The following ZNF280C variants were observed in gnomAD, a reference collection of about 807,000 sequenced individuals.
ZNF280C encodes the protein suppressor of hairy wing homolog 3.
Under a neutral mutation model 53.6 loss-of-function variants are expected in ZNF280C, and 14 were observed. The observed-to-expected ratio is 0.26, with a 90% CI of 0.17 to 0.41. The LOEUF (loss-of-function observed/expected upper bound fraction) is 0.41. Ranked by LOEUF, ZNF280C falls within the 10% of genes least tolerant of loss-of-function variation. The probability of loss-of-function intolerance (pLI) is 1.00; values close to 1 mark genes in which losing one functional copy is unlikely to be tolerated. For missense variants in ZNF280C, 416 were observed against 547.1 expected, an observed-to-expected ratio of 0.76 and a Z score of 2.39; for synonymous variants, 203 against 181.1, an observed-to-expected ratio of 1.12 and a Z score of -0.97.
At chrX:130,213,200 AAAAAAT>A (rs935887718) in intron 15 of ZNF280C, among the ~76,000 whole-genome samples, 278 of 109,863 alleles carry the variant, frequency 2.5e-3, no homozygotes, top group African/African-American at 7.7e-3. Context: ...ACAGATACAA[AAAAAAT>A]AAAAATAAAA....
At chrX:130,235,554 A>G (rs987862709) in intron 8 of ZNF280C, among the ~76,000 whole-genome samples, 3 of 112,163 alleles carry the variant, frequency 2.7e-5, no homozygotes, top group Non-Finnish European at 3.8e-5. Context: ...ATATGCATAC[A>G]CTGTACTGCA....
In ZNF280C at chrX:130,261,804, CT is replaced by C. The variant is rs746162622; in HGVS notation, c.-16-1340del. 7.5e-3 allele frequency among the ~76,000 whole-genome samples: 808 copies of C among 107,481 alleles called. 26 individuals are homozygous for C. Among genetic ancestry groups the C allele is most frequent in the Admixed American group, 0.06 (595 of 9,996 alleles). 93.3% of individuals were successfully genotyped at this position (107,481 alleles called of 115,157 possible). A position where few individuals can be genotyped will look rare whatever the true frequency, so the allele number is the denominator to read the frequency against. ...CACAGCCTATGAGATTCATATAACA[CT>C]TTTTTTTTTTAATTTTTATGTTTTA... On this transcript the variant is annotated intron_variant, in intron 1 of 18. Transcript: ENST00000370978.
Position 130,215,854 on chromosome X carries a change from G to C in ZNF280C, c.1775C>G (p.Ser592Cys), listed in dbSNP as rs1286883329. The change falls in exon 14 of 19, where the codon TCT (serine) becomes TGT (cysteine). Residue 592 changes from serine to cysteine, a missense_variant. Transcript: ENST00000370978. ...GRIAKSKAKP[S>C]YKQKRQRNRK... is the part of the protein sequence containing the mutation. ...GTTGCGCTGTCGCTTTTGCTTGTAA[G>C]AGGGTTTTGCTTTGGACTTAGCTAT... The C allele has an allele frequency of 2.5e-6, 3 of 1,210,974 alleles. No individual in the cohort carries two copies. Among genetic ancestry groups the C allele is most frequent in the Non-Finnish European group, 3.4e-6 (3 of 895,175 alleles).
intron 13 of ZNF280C, among the ~76,000 whole-genome samples, chrX:130,219,067 T>G (rs1445818141): frequency 2.7e-5 from 3 of 112,113 alleles, no homozygotes; most frequent in Non-Finnish European, 5.6e-5. Flanking sequence ...TTTGTTAATT[T>G]AAATAGCAGA....
At chrX:130,250,044 C>T (rs1371110273) in intron 2 of ZNF280C, among the ~76,000 whole-genome samples, 2 of 111,227 alleles carry the variant, frequency 1.8e-5, no homozygotes, top group African/African-American at 3.3e-5. Flanking sequence ...ATAGAACAAG[C>T]GGAGGAAAGA....
intron 1 of ZNF280C, among the ~76,000 whole-genome samples, chrX:130,261,016 TTA>T (rs890541807): frequency 8.9e-6 from 1 of 112,233 alleles, no homozygotes; most frequent in Admixed American, 9.5e-5. Flanking sequence ...ACACATACAT[TTA>T]GATATTTTTA....
intron 8 of ZNF280C, among the ~76,000 whole-genome samples, chrX:130,235,563 C>G (rs1449409911): frequency 8.9e-6 from 1 of 111,905 alleles, no homozygotes; most frequent in Non-Finnish European, 1.9e-5. Context: ...CACTGTACTG[C>G]ATATGAACTT....
rs2032097112 is a variant in ZNF280C, at chrX:130,215,917, G to C, written c.1712C>G (p.Thr571Ser). The C allele has an allele frequency of 8.3e-7, 1 of 1,211,365 alleles. No individual in the cohort carries two copies. Reference sequence around the variant, plus strand: ...CTTACTTGTATTAACTTTACTTGCAGTGGATGTAGTTGCATGAAGCTTACT... The same window carrying C: ...CTTACTTGTATTAACTTTACTTGCACTGGATGTAGTTGCATGAAGCTTACT... Reference protein sequence around the residue: ...KTSKLHATTSTASKVNTSKPR... With the variant: ...KTSKLHATTSSASKVNTSKPR... Residue 571 changes from threonine (T) to serine (S), a missense_variant, in exon 14 of 19, where the codon ACT (threonine) becomes AGT (serine). Transcript: ENST00000370978.
chrX:130,212,307 A>G (rs907575338), intron 15 of ZNF280C, among the ~76,000 whole-genome samples: 4 of 111,815 alleles, frequency 3.6e-5, no homozygotes, highest in Non-Finnish European at 7.5e-5. Context: ...GAGGATTTAC[A>G]GTTGAAAGGT....
intron 12 of ZNF280C, among the ~76,000 whole-genome samples, chrX:130,224,746 A>G (rs1332012584): frequency 1.8e-5 from 2 of 111,429 alleles, no homozygotes; most frequent in Non-Finnish European, 3.8e-5. Flanking sequence ...AGCTCTCTTG[A>G]GTCTAAGAGC....
At chrX:130,217,329 G>A (rs1036761407) in intron 13 of ZNF280C, among the ~76,000 whole-genome samples, 1 of 111,994 alleles carries the variant, frequency 8.9e-6, no homozygotes, top group East Asian at 2.8e-4. Context: ...TATGCTAAGC[G>A]AAAGAAACCA....
At chrX:130,228,251 G>T (rs990472971) in intron 10 of ZNF280C, among the ~76,000 whole-genome samples, 3 of 111,571 alleles carry the variant, frequency 2.7e-5, no homozygotes, top group Non-Finnish European at 5.7e-5. Context: ...TTCCACTAAT[G>T]AATTGTTTAT....
chrX:130,245,119 A>G (rs2032437239), intron 3 of ZNF280C, among the ~76,000 whole-genome samples: 1 of 111,844 alleles, frequency 8.9e-6, no homozygotes, highest in Non-Finnish European at 1.9e-5. Context: ...AAAATATTTT[A>G]TAGCTCACAA....
intron 8 of ZNF280C, among the ~76,000 whole-genome samples, chrX:130,232,945 G>A (rs2032293195): frequency 1.8e-5 from 2 of 111,375 alleles, no homozygotes; most frequent in East Asian, 5.6e-4. Flanking sequence ...CAATCTAAAT[G>A]TCTATTAATA....
intron 1 of ZNF280C, among the ~76,000 whole-genome samples, chrX:130,262,183 C>T (rs1411388034): frequency 9.0e-6 from 1 of 111,353 alleles, no homozygotes; most frequent in African/African-American, 3.3e-5. Flanking sequence ...TCTTTAGATG[C>T]CATTAGAGCC....
chrX:130,254,768 G>C (rs1422898160), intron 2 of ZNF280C, among the ~76,000 whole-genome samples: 2 of 110,713 alleles, frequency 1.8e-5, no homozygotes, highest in Non-Finnish European at 3.8e-5. Flanking sequence ...GAGGGTGGAG[G>C]GTGGGAGGAG....
intron 5 of ZNF280C, among the ~76,000 whole-genome samples, chrX:130,242,860 T>C (rs1260530732): frequency 1.8e-5 from 2 of 111,291 alleles, no homozygotes; most frequent in Admixed American, 9.6e-5. Flanking sequence ...TTTTATTAAA[T>C]AGAGACAGGG....
intron 1 of ZNF280C, among the ~76,000 whole-genome samples, 179 bp downstream of exon 1, chrX:130,268,583 C>T (rs1039746800): frequency 8.9e-6 from 1 of 111,888 alleles, no homozygotes; most frequent in Non-Finnish European, 1.9e-5. Context: ...AAGATGGTGG[C>T]CCACCAGCTA....
In ZNF280C at chrX:130,203,381, G is replaced by A. The variant is rs1475078260; in HGVS notation, c.*1596C>T. 1 of 111,927 alleles carries A rather than the reference G, an allele frequency of 8.9e-6. No homozygotes were observed. The highest frequency in any genetic ancestry group is 1.9e-5 in the Non-Finnish European group (1 of 53,172). The allele number at this position is 111,927 out of a possible 1,213,427, so 9.2% of individuals were successfully genotyped here. On this transcript the variant is annotated 3_prime_UTR_variant, in exon 19 of 19. Coordinates refer to ENST00000370978, the MANE Select transcript of ZNF280C (RefSeq NM_017666.5). ...GTTTAAAAATGTGAGTATCGGTCGG[G>A]TGCAGTGGCTCACACCTGTAATCCC...
Sources: allele counts gnomAD v4.1 joint callset (sites outside exome capture counted in the v4.1 genomes callset), GRCh38; gene constraint gnomAD v4.1.1; transcripts MANE v1.5; gene names NCBI Gene and HGNC (gene_info 2026-07-23, HGNC 2026-07-21).